SH3BP1: variants seen among roughly 807,000 people sequenced by gnomAD.
SH3BP1 encodes the protein SH3 domain binding protein 1, also known as SH3 domain-binding protein 1.
A neutral mutation model predicts 69.8 loss-of-function variants in SH3BP1; 46 were observed. The ratio of observed to expected loss-of-function variants is 0.66; its 90% CI spans 0.52 to 0.84. The LOEUF is 0.84. Ranked by LOEUF, SH3BP1 falls within the 40% of genes least tolerant of loss-of-function variation. The pLI, the probability that SH3BP1 is intolerant of heterozygous loss-of-function variation, is 0.00. For missense variants in SH3BP1, 868 were observed against 930.9 expected, an observed-to-expected ratio of 0.93 and a Z score of 0.88; for synonymous variants, 403 against 378.0, an observed-to-expected ratio of 1.07 and a Z score of -0.77.
At chr22:37,653,932 C>A in intron 17 of SH3BP1, 59 bp downstream of exon 17, 2 of 1,200,804 alleles carry the variant, frequency 1.7e-6, no homozygotes, top group African/African-American at 1.5e-5. Context: ...AGGGGACAGG[C>A]AGTCCCAGGT....
Position 37,655,502 on chromosome 22 carries a change from C to A in SH3BP1, c.1924C>A (p.Pro642Thr). ...CCAAAGCCGGCGTTCACCAGCCTCC[C>A]CCAGCCCGGCCTCCCCAGGTCCAGC... The part of the protein sequence containing the change: ...RRQSRRSPAS[P>T]SPASPGPASP... The change falls in exon 18 of 18, where the codon CCC (proline) becomes ACC (threonine). Residue 642 changes from proline to threonine, a missense_variant. By Grantham distance (38) the Pro-to-Thr change is conservative. Coordinates refer to ENST00000649765, the MANE Select transcript of SH3BP1 (RefSeq NM_018957.6). 1.3e-6 allele frequency: 2 copies of A among 1,565,562 alleles called. No individual in the cohort carries two copies. Among genetic ancestry groups the A allele is most frequent in the Non-Finnish European group, 1.7e-6 (2 of 1,156,180 alleles).
At position 37,642,901 on chromosome 22, in the gene SH3BP1, C is replaced by T. The variant is rs753560621; in HGVS notation, c.291C>T (p.Ala97=). Residue 97 remains alanine, a synonymous_variant, in exon 5 of 18, where the codon GCC becomes GCT. Transcript: ENST00000649765. ...ELDPDSSMGK[A]LEMSCAIQNQ... is the part of the protein sequence containing the mutation. ...TGGGGTGCCGTGTCCACAGGAAGGC[C>T]TTGGAGATGAGCTGTGCCATCCAGA... The T allele has an allele frequency of 6.8e-6, 11 of 1,612,418 alleles. No homozygotes were observed. The highest frequency in any genetic ancestry group is 1.3e-5 in the African/African-American group (1 of 74,874).
intron 1 of SH3BP1, among the ~76,000 whole-genome samples, chr22:37,640,221 G>A (rs1932533947): frequency 6.6e-6 from 1 of 152,112 alleles, no homozygotes; most frequent in Non-Finnish European, 1.5e-5. Context: ...TGCTTGCTGG[G>A]CCGGGGAGGG....
At chr22:37,650,460 G>A in intron 15 of SH3BP1, 82 bp from the exon 16 acceptor site, 1 of 1,536,530 alleles carries the variant, frequency 6.5e-7, no homozygotes, top group Non-Finnish European at 8.8e-7. Flanking sequence ...ATGGGTTCAG[G>A]GGAAGGGGAA....
rs745344570 is a variant in SH3BP1 at position 37,647,499 on chromosome 22, C to T, written c.1177C>T (p.Pro393Ser). The change falls in exon 13 of 18, where the codon CCC (proline) becomes TCC (serine). Residue 393 changes from proline to serine, a missense_variant. Physicochemically the swap from Pro to Ser is moderately conservative, Grantham distance 74. Transcript: ENST00000649765. ...CCAAGAGGTGTGCAGCCGCCTACCC[C>T]CCGAGAACCTCAGCAACCTCAGGTG... is the stretch of plus-strand genomic sequence containing the variant. ...ALQEVCSRLP[P>S]ENLSNLRYLM... is the part of the protein sequence containing the mutation. 5 of 1,605,654 alleles carry T rather than the reference C, an allele frequency of 3.1e-6. No individual in the cohort carries two copies. The highest frequency in any genetic ancestry group is 2.2e-5 in the South Asian group (2 of 90,960).
intron 14 of SH3BP1, 83 bp from the exon 15 acceptor site, chr22:37,650,069 G>A (rs764788456): frequency 1.1e-5 from 15 of 1,424,684 alleles, no homozygotes; most frequent in Non-Finnish European, 1.5e-5. Flanking sequence ...ATGGATCCTT[G>A]TGTCTCCATT....
chr22:37,653,825 A>T lies in SH3BP1; in HGVS notation c.1645A>T (p.Arg549Trp). 1 of 1,581,060 alleles carries T rather than the reference A, an allele frequency of 6.3e-7. No homozygotes were observed. The highest frequency in any genetic ancestry group is 8.6e-7 in the Non-Finnish European group (1 of 1,158,854). ...CAGACCAGCCTCCCCCAAGGTCACCAGGAGTCCCCCGGAGACAGCTGCCCC... is the reference window on the plus strand; with the variant it reads ...CAGACCAGCCTCCCCCAAGGTCACCTGGAGTCCCCCGGAGACAGCTGCCCC... ...PPRPASPKVTRSPPETAAPVE... is the reference protein window; with the variant it reads ...PPRPASPKVTWSPPETAAPVE... Residue 549 changes from arginine to tryptophan, a missense_variant, in exon 17 of 18, where the codon AGG becomes TGG. Transcript: ENST00000649765.
In SH3BP1 at chr22:37,646,846, C is replaced by T. The variant is rs868490403; in HGVS notation, c.953C>T (p.Ser318Leu). The T allele has an allele frequency of 8.4e-6, 13 of 1,551,944 alleles. No homozygotes were observed. Among genetic ancestry groups the T allele is most frequent in the African/African-American group, 4.1e-5 (3 of 73,974 alleles). ...CTCTTCCGTCTGGCTGCTGGGGCCT[C>T]GGTGCTGAAGCGTCTCAAGCAGACA... ...EGLFRLAAGA[S>L]VLKRLKQTMA... The change falls in exon 11 of 18, where the codon TCG (serine) becomes TTG (leucine). Residue 318 changes from serine to leucine, a missense_variant. Transcript: ENST00000649765.
intron 2 of SH3BP1, 45 bp downstream of exon 2, chr22:37,641,213 C>A: frequency 6.5e-7 from 1 of 1,540,394 alleles, no homozygotes; most frequent in South Asian, 1.2e-5. Context: ...CCTGTGCAGG[C>A]TGTCTCGGAG....
At position 37,641,409 on chromosome 22, in the gene SH3BP1, C is replaced by G; in HGVS notation, c.138C>G (p.Ala46=). 6.4e-7 allele frequency: 1 copy of G among 1,550,974 alleles called. No homozygotes were observed. Among genetic ancestry groups the G allele is most frequent in the Middle Eastern group, 1.7e-4 (1 of 5,988 alleles). Residue 46 remains alanine, a synonymous_variant, in exon 3 of 18, where the codon GCC becomes GCG. Transcript: ENST00000649765. ...GGCTGGAGCCGGCCAAGCGGGCAGC[C>G]CACAACATCCACAAGCGGCTGCAGG... The part of the protein sequence containing the change: ...EQRLEPAKRA[A]HNIHKRLQAC...
At chr22:37,643,940 A>G (rs1932712906) in intron 7 of SH3BP1, 152 bp downstream of exon 7, 2 of 812,654 alleles carry the variant, frequency 2.5e-6, no homozygotes, top group African/African-American at 1.7e-5. Context: ...ATTCCCTCGT[A>G]GCCTCTTCTG....
rs568575549 is a variant in SH3BP1, at chr22:37,646,910, C to T, written c.1017C>T (p.Ser339=). 2.5e-4 allele frequency: 383 copies of T among 1,555,748 alleles called. 1 individual carries two copies. The South Asian group carries it at 2.7e-3, about 11-fold the overall frequency. The change falls in exon 11 of 18, where the codon TCC becomes TCT. Residue 339 remains serine, a synonymous_variant. Coordinates refer to ENST00000649765, the MANE Select transcript of SH3BP1 (RefSeq NM_018957.6). ...CCCACAGCCTGGAGGAGTTCTGCTC[C>T]GACCCGCACGCTGTGGCAGGTGCCT... is the stretch of plus-strand genomic sequence containing the variant. ...SDPHSLEEFC[S]DPHAVAGALK...
At chr22:37,646,721 A>G (rs530894845) in intron 10 of SH3BP1, 97 bp from the exon 11 acceptor site, 3 of 638,036 alleles carry the variant, frequency 4.7e-6, no homozygotes, top group Non-Finnish European at 7.4e-6. Flanking sequence ...ACACAGGCCT[A>G]GCAAAGGCCA....
At chr22:37,643,069 C>T in intron 5 of SH3BP1, 29 bp from the exon 6 acceptor site, 1 of 1,605,936 alleles carries the variant, frequency 6.2e-7, no homozygotes, top group Non-Finnish European at 8.5e-7. Flanking sequence ...CCTCCCCCAG[C>T]ACACTGACCC....
In SH3BP1 at chr22:37,655,660, G is replaced by T. The variant is rs768036076; in HGVS notation, c.2082G>T (p.Arg694Ser). The T allele has an allele frequency of 1.1e-4, 159 of 1,512,248 alleles. No individual in the cohort carries two copies. Among genetic ancestry groups the T allele is most frequent in the Non-Finnish European group, 1.3e-4 (146 of 1,132,892 alleles). 93.7% of individuals were successfully genotyped at this position (1,512,248 alleles called of 1,614,324 possible). The change falls in exon 18 of 18, where the codon AGG (arginine) becomes AGT (serine). Residue 694 changes from arginine to serine, a missense_variant. Arg to Ser is a moderately radical substitution (Grantham distance 110). Transcript: ENST00000649765. ...PPAIPPQPRP[R>S]SLASETN is the part of the protein sequence containing the mutation. ...CTATCCCCCCTCAGCCCCGCCCCAGGAGCCTTGCCTCAGAGACCAACTGAG... is the reference window on the plus strand; with the variant it reads ...CTATCCCCCCTCAGCCCCGCCCCAGTAGCCTTGCCTCAGAGACCAACTGAG...
chr22:37,642,731 T>C (rs1250043370), intron 4 of SH3BP1, 116 bp downstream of exon 4: 1 of 1,604,524 alleles, frequency 6.2e-7, no homozygotes, highest in Non-Finnish European at 8.5e-7. Flanking sequence ...CTGGGGACAG[T>C]TCCCAGGTCA....
intron 16 of SH3BP1, among the ~76,000 whole-genome samples, chr22:37,650,991 C>T (rs951574172): frequency 6.6e-6 from 1 of 152,094 alleles, no homozygotes; most frequent in African/African-American, 2.4e-5. Context: ...TCCTAGGGAA[C>T]TCAAGAGATG....
At chr22:37,644,743 G>A (rs756892910) in intron 8 of SH3BP1, 38 bp downstream of exon 8, 4 of 1,612,348 alleles carry the variant, frequency 2.5e-6, no homozygotes, top group South Asian at 2.2e-5. Context: ...CCAGAGTTCA[G>A]GGGCTGAATG....
At chr22:37,652,054 G>A (rs1280340306) in intron 16 of SH3BP1, among the ~76,000 whole-genome samples, 3 of 152,166 alleles carry the variant, frequency 2.0e-5, no homozygotes, top group South Asian at 4.1e-4. Context: ...GGCCCGGCAC[G>A]GTGGCTCACG....
Sources: allele counts gnomAD v4.1 joint callset (sites outside exome capture counted in the v4.1 genomes callset), GRCh38; gene constraint gnomAD v4.1.1; transcripts MANE v1.5; gene names NCBI Gene and HGNC (gene_info 2026-07-23, HGNC 2026-07-21).